Variants in ARMH3 observed in about 807,000 individuals in gnomAD.
The protein encoded by ARMH3 is armadillo-like helical domain-containing protein 3.
A neutral mutation model predicts 99.1 loss-of-function variants in ARMH3; 60 were observed. That is an observed-to-expected ratio of 0.61 (90% CI 0.49 to 0.75). The LOEUF (loss-of-function observed/expected upper bound fraction) is 0.75. Among genes scored for constraint, ARMH3 ranks in the 30% least tolerant of loss-of-function variants. The pLI is 0.00. For missense variants in ARMH3, 679 were observed against 843.1 expected, an observed-to-expected ratio of 0.81 and a Z score of 2.41; for synonymous variants, 285 against 292.8, an observed-to-expected ratio of 0.97 and a Z score of 0.27.
chr10:101,981,564 C>T (rs758062075), intron 19 of ARMH3, among the ~76,000 whole-genome samples: 2 of 152,354 alleles, frequency 1.3e-5, no homozygotes, highest in African/African-American at 4.8e-5. Flanking sequence ...CAGATATTTT[C>T]ATAGCACTCC....
chr10:102,055,622 T>A (rs757826558), intron 1 of ARMH3, among the ~76,000 whole-genome samples: 7 of 152,306 alleles, frequency 4.6e-5, no homozygotes, highest in Non-Finnish European at 1.0e-4. Context: ...GGGACAGGAC[T>A]GGAGCCCTTC....
At chr10:101,867,560 C>T (rs2067032515) in intron 24 of ARMH3, among the ~76,000 whole-genome samples, 1 of 152,180 alleles carries the variant, frequency 6.6e-6, no homozygotes, top group African/African-American at 2.4e-5. Context: ...GGGCGAGGTG[C>T]AGTGGCTCAC....
At chr10:101,963,120 T>G (rs375806741) in intron 20 of ARMH3, among the ~76,000 whole-genome samples, 72 of 146,418 alleles carry the variant, frequency 4.9e-4, no homozygotes, top group African/African-American at 1.8e-3. Flanking sequence ...CAGGAACCCA[T>G]CACCATGCCC....
intron 24 of ARMH3, among the ~76,000 whole-genome samples, chr10:101,869,577 T>C (rs2067086262): frequency 6.6e-6 from 1 of 152,206 alleles, no homozygotes; most frequent in Non-Finnish European, 1.5e-5. Context: ...ATTTGTGAGA[T>C]GTTGTTAGCA....
chr10:102,032,654 C>G (rs2067158223), intron 4 of ARMH3, among the ~76,000 whole-genome samples: 1 of 152,130 alleles, frequency 6.6e-6, no homozygotes, highest in African/African-American at 2.4e-5. Context: ...CCCACCTCAG[C>G]CTCCCAAAGT....
In ARMH3 at chr10:101,957,730, A is replaced by C; in HGVS notation, c.1498T>G (p.Leu500Val). The C allele has an allele frequency of 6.9e-7, 1 of 1,449,242 alleles. No homozygotes were observed. Among genetic ancestry groups the C allele is most frequent in the Non-Finnish European group, 9.0e-7 (1 of 1,112,044 alleles). 89.8% of individuals were successfully genotyped at this position (1,449,242 alleles called of 1,614,324 possible). ...HYTWRELWSA[L>V]INLLKFLMSN... is the part of the protein sequence containing the mutation. ...ATAAGGAACTTCAGCAAATTTATCAAGGCTTTAAAAAAAAAAAAAAAGACA... is the reference window on the plus strand; with the variant it reads ...ATAAGGAACTTCAGCAAATTTATCACGGCTTTAAAAAAAAAAAAAAAGACA... The change falls in exon 21 of 26, where the codon TTG becomes GTG. Residue 500 changes from leucine (L) to valine (V), a missense_variant and splice_region_variant. Transcript: ENST00000370033.
intron 23 of ARMH3, among the ~76,000 whole-genome samples, chr10:101,911,277 A>C (rs1320345513): frequency 6.6e-6 from 1 of 152,172 alleles, no homozygotes; most frequent in Non-Finnish European, 1.5e-5. Flanking sequence ...CCAGGCTGCA[A>C]TTCTCTGCTC....
chr10:101,876,681 A>G (rs571205283), intron 24 of ARMH3, among the ~76,000 whole-genome samples: 45 of 152,346 alleles, frequency 3.0e-4, no homozygotes, highest in African/African-American at 1.1e-3. Context: ...TGTTACTGTA[A>G]TGACAAACCA....
intron 1 of ARMH3, among the ~76,000 whole-genome samples, chr10:102,044,139 G>A (rs2067489136): frequency 6.7e-6 from 1 of 148,228 alleles, no homozygotes; most frequent in Admixed American, 6.8e-5. Context: ...TGTCGCCCAG[G>A]CTGGAGTGCA....
intron 23 of ARMH3, among the ~76,000 whole-genome samples, chr10:101,898,776 T>G (rs2067904635): frequency 6.6e-6 from 1 of 152,254 alleles, no homozygotes; most frequent in East Asian, 1.9e-4. Flanking sequence ...CAGATTTACA[T>G]TAACGAGTCT....
intron 23 of ARMH3, among the ~76,000 whole-genome samples, chr10:101,910,679 C>T (rs184322001): frequency 7.3e-5 from 11 of 149,874 alleles, no homozygotes; most frequent in Non-Finnish European, 1.5e-4. Flanking sequence ...TTGCAGTGAG[C>T]TGAGATCGTG....
intron 25 of ARMH3, among the ~76,000 whole-genome samples, chr10:101,849,329 G>A (rs1180974395): frequency 6.6e-6 from 1 of 152,226 alleles, no homozygotes; most frequent in African/African-American, 2.4e-5. Context: ...GCCCAAGGGT[G>A]GGGGCTGCAG....
intron 1 of ARMH3, among the ~76,000 whole-genome samples, chr10:102,042,899 C>A (rs2067457519): frequency 6.6e-6 from 1 of 152,136 alleles, no homozygotes; most frequent in Non-Finnish European, 1.5e-5. Flanking sequence ...ATGCAGAAAC[C>A]CCGTCTCTAC....
chr10:101,975,049 T>TAAAAAAGAAAAAAAAAA (rs1845929551), intron 20 of ARMH3, among the ~76,000 whole-genome samples, 163 bp downstream of exon 20: 1 of 29,668 alleles, frequency 3.4e-5, no homozygotes, highest in Non-Finnish European at 6.0e-5. Flanking sequence ...AGCTAAAACG[T>TAAAAAAGAAAAAAAAAA]AAAAAAAAAA....
At chr10:101,945,783 T>TA (rs1189201817) in intron 22 of ARMH3, among the ~76,000 whole-genome samples, 1 of 150,140 alleles carries the variant, frequency 6.7e-6, no homozygotes, top group African/African-American at 2.5e-5. Context: ...AACATAACAT[T>TA]AAAAATGTCC....
intron 19 of ARMH3, among the ~76,000 whole-genome samples, chr10:101,987,448 A>G (rs1186191091): frequency 6.6e-6 from 1 of 152,152 alleles, no homozygotes; most frequent in Non-Finnish European, 1.5e-5. Flanking sequence ...CACTTATCAC[A>G]GACATGATTA....
At chr10:101,968,284 G>A (rs962628114) in intron 20 of ARMH3, among the ~76,000 whole-genome samples, 3 of 151,830 alleles carry the variant, frequency 2.0e-5, no homozygotes, top group African/African-American at 4.8e-5. Flanking sequence ...TCCCCCCACC[G>A]TTTCCTAAAG....
At chr10:101,976,402 TCTCTCTCTCTCA>T (rs1156694809) in intron 19 of ARMH3, among the ~76,000 whole-genome samples, 21 of 127,722 alleles carry the variant, frequency 1.6e-4, no homozygotes, top group Non-Finnish European at 3.4e-4. Flanking sequence ...TCTCTCTCTC[TCTCTCTCTCTCA>T]CACACACACA....
intron 23 of ARMH3, among the ~76,000 whole-genome samples, chr10:101,936,489 C>G (rs1193127244): frequency 8.5e-6 from 1 of 118,072 alleles, no homozygotes; most frequent in Admixed American, 9.1e-5. Context: ...GAGACTCTGT[C>G]TCAAAAAAAA....
Sources: allele counts gnomAD v4.1 joint callset (sites outside exome capture counted in the v4.1 genomes callset), GRCh38; gene constraint gnomAD v4.1.1; transcripts MANE v1.5; gene names NCBI Gene and HGNC (gene_info 2026-07-23, HGNC 2026-07-21).